Variants in COLQ observed in about 807,000 individuals in gnomAD.
The protein encoded by COLQ is acetylcholinesterase collagenic tail peptide.
COLQ carries 48 observed loss-of-function variants against 69.0 expected under a neutral mutation model. The observed-to-expected ratio is 0.70, with a 90% confidence interval of 0.55 to 0.88. The LOEUF (loss-of-function observed/expected upper bound fraction) is 0.88, where lower values mean the gene tolerates loss of function less well. Ranked by LOEUF, COLQ falls within the 40% of genes least tolerant of loss-of-function variation. COLQ has a pLI of 0.00. For synonymous variants in COLQ, 217 were observed against 211.2 expected (o/e 1.03, Z -0.24); for missense variants, 618 against 594.6 (o/e 1.04, Z -0.41).
intron 1 of COLQ, 41 bp downstream of exon 1, chr3:15,521,479 C>T: frequency 6.2e-7 from 1 of 1,612,708 alleles, no homozygotes; most frequent in Non-Finnish European, 8.5e-7. Flanking sequence ...CCCCCTGTCC[C>T]CTGACAGATG....
chr3:15,517,143 G>C (rs115368258), intron 1 of COLQ, among the ~76,000 whole-genome samples: 2 of 151,942 alleles, frequency 1.3e-5, no homozygotes, highest in African/African-American at 2.4e-5. Flanking sequence ...ACCCTGTCTC[G>C]AAAAAACAAA....
chr3:15,513,790 T>C, intron 1 of COLQ, among the ~76,000 whole-genome samples: 1 of 152,214 alleles, frequency 6.6e-6, no homozygotes, highest in Non-Finnish European at 1.5e-5. Flanking sequence ...GTGGAAAAAC[T>C]AGGTAACCTG....
At chr3:15,506,125 A>T (rs2125170627) in intron 1 of COLQ, among the ~76,000 whole-genome samples, 1 of 152,270 alleles carries the variant, frequency 6.6e-6, no homozygotes, top group East Asian at 1.9e-4. Flanking sequence ...ATCCCTTTGG[A>T]CTCAGTTGAG....
At chr3:15,481,007 C>T (rs912774823) in intron 3 of COLQ, among the ~76,000 whole-genome samples, 1 of 152,164 alleles carries the variant, frequency 6.6e-6, no homozygotes, top group African/African-American at 2.4e-5. Flanking sequence ...ATACACTTCA[C>T]CCACTTTTTG....
Position 15,458,202 on chromosome 3 carries a change from G to A in COLQ, c.938C>T (p.Ser313Phe). The A allele has an allele frequency of 1.9e-6, 3 of 1,613,892 alleles. No homozygotes were observed. The highest frequency in any genetic ancestry group is 2.5e-6 in the Non-Finnish European group (3 of 1,180,046). ...SYGESVYGPS[S>F]PRVPVIFVVN... ...AAGCCTTACCACAGGAACTCGCGGG[G>A]AACTGGGCCCATACACAGATTCCCC... Residue 313 changes from serine to phenylalanine, a missense_variant, in exon 13 of 17, where the codon TCC (serine) becomes TTC (phenylalanine). By Grantham distance (155) the Ser-to-Phe change is radical. Transcript: ENST00000383788.
At position 15,488,236 on chromosome 3, in the gene COLQ, C is replaced by T. The variant is rs115201284; in HGVS notation, c.291G>A (p.Ser97=). 8.2e-3 allele frequency: 13,178 copies of T among 1,613,076 alleles called. 83 individuals carry two copies. The highest frequency in any genetic ancestry group is 8.7e-3 in the Non-Finnish European group (10,311 of 1,179,978). The change falls in exon 3 of 17, where the codon TCG becomes TCA. Residue 97 remains serine (S), a synonymous_variant. Coordinates refer to ENST00000383788, the MANE Select transcript of COLQ (RefSeq NM_005677.4). ...GGCCGGGAGGCCCAGGGGAGCCTAG[C>T]GAGCCTTGCATGCACGGGGACTGCG... is the stretch of plus-strand genomic sequence containing the variant. ...ETSQSPCMQG[S]LGSPGPPGPQ...
At chr3:15,488,382 C>T in intron 2 of COLQ, 75 bp from the exon 3 acceptor site, 5 of 1,248,470 alleles carry the variant, frequency 4.0e-6, no homozygotes, top group East Asian at 2.4e-5. Flanking sequence ...TGGACACAGA[C>T]CTGCTCCGGG....
Position 15,478,326 on chromosome 3 carries a change from CA to C in COLQ, c.393+650del, listed in dbSNP as rs576283254. Among the ~76,000 whole-genome samples the C allele has an allele frequency of 4.4e-3, 675 of 152,312 alleles. 7 individuals are homozygous for C. The highest frequency in any genetic ancestry group is 0.015 in the African/African-American group (626 of 41,566). ...TGAAACCATTTAATAAACCATTTAACAATAAATATAGTAATTTATATTTAGA... is the reference window on the plus strand; with the variant it reads ...TGAAACCATTTAATAAACCATTTAACATAAATATAGTAATTTATATTTAGA... On this transcript the variant is annotated intron_variant, in intron 5 of 16. Transcript: ENST00000383788.
intron 13 of COLQ, 80 bp from the exon 14 acceptor site, chr3:15,456,659 T>G: frequency 6.3e-7 from 1 of 1,586,622 alleles, no homozygotes; most frequent in Non-Finnish European, 8.6e-7. Flanking sequence ...GGAAACAGAA[T>G]CTCTATCCTT....
At position 15,473,560 on chromosome 3, in the gene COLQ, A is replaced by C. The variant is rs1190787825; in HGVS notation, c.636+440T>G. 6.6e-6 allele frequency among the ~76,000 whole-genome samples: 1 copy of C among 152,280 alleles called. No individual in the cohort carries two copies. The highest frequency in any genetic ancestry group is 1.9e-4 in the East Asian group (1 of 5,188). ...TCTGGCAGTATGTGCACCGCCCTTG[A>C]AGAAGGACTGCAATAAGGCACAGTG... On this transcript the variant is annotated intron_variant, in intron 10 of 16. Coordinates refer to ENST00000383788, the MANE Select transcript of COLQ (RefSeq NM_005677.4). This position sits in a 1 kb window ranked among gnomAD's most constrained non-coding sequence, Gnocchi z 4.0.
At chr3:15,486,586 T>A (rs1235186236) in intron 3 of COLQ, among the ~76,000 whole-genome samples, 1 of 152,246 alleles carries the variant, frequency 6.6e-6, no homozygotes, top group African/African-American at 2.4e-5. Flanking sequence ...GGTTCTAGCA[T>A]GCCTGAGACC....
intron 1 of COLQ, among the ~76,000 whole-genome samples, chr3:15,521,295 G>T (rs969621633): frequency 2.0e-5 from 3 of 152,194 alleles, no homozygotes; most frequent in Admixed American, 2.0e-4. Context: ...TTTTCAAAGT[G>T]TCTCTGCTTT....
At chr3:15,507,462 C>T (rs2062926845) in intron 1 of COLQ, among the ~76,000 whole-genome samples, 1 of 152,138 alleles carries the variant, frequency 6.6e-6, no homozygotes, top group Non-Finnish European at 1.5e-5. Flanking sequence ...ATTTTGCCTA[C>T]TTGATAGGTG....
intron 5 of COLQ, 149 bp from the exon 6 acceptor site, chr3:15,477,346 C>G (rs1367974452): frequency 2.9e-6 from 2 of 679,654 alleles, no homozygotes; most frequent in African/African-American, 3.6e-5. Flanking sequence ...AGACTGATGG[C>G]CTGACAAGCC....
In COLQ at chr3:15,450,606, G is replaced by C. The variant is rs1169179774; in HGVS notation, c.*1038C>G. On this transcript the variant is annotated 3_prime_UTR_variant, in exon 17 of 17. Transcript: ENST00000383788. ...AGGGAGGAGCTCAGGCACACAGGAG[G>C]ACAAGGCTATGCAATATGCAGACAT... 2.6e-5 allele frequency: 4 copies of C among 153,716 alleles called. No homozygotes were observed. The highest frequency in any genetic ancestry group is 5.9e-5 in the Non-Finnish European group (4 of 68,132). The allele number at this position is 153,716 out of a possible 1,614,324, so 9.5% of individuals were successfully genotyped here.
At chr3:15,484,851 C>T (rs764665593) in intron 3 of COLQ, among the ~76,000 whole-genome samples, 45 of 151,614 alleles carry the variant, frequency 3.0e-4, no homozygotes, top group Admixed American at 1.2e-3. Context: ...TTCTTTAGCT[C>T]GGAGAAGTTT....
At chr3:15,458,801 T>C (rs2062063492) in intron 12 of COLQ, among the ~76,000 whole-genome samples, 1 of 152,194 alleles carries the variant, frequency 6.6e-6, no homozygotes, top group Admixed American at 6.5e-5. Flanking sequence ...TATTGACTGT[T>C]AACTTTTATT....
intron 5 of COLQ, 109 bp downstream of exon 5, chr3:15,478,868 G>A (rs2062426448): frequency 7.8e-7 from 1 of 1,275,964 alleles, no homozygotes; most frequent in Middle Eastern, 1.8e-4. Flanking sequence ...GTCCACCTGG[G>A]TATCAGTGAC....
chr3:15,486,565 T>C (rs1004076556), intron 3 of COLQ, among the ~76,000 whole-genome samples: 8 of 152,218 alleles, frequency 5.3e-5, no homozygotes, highest in African/African-American at 1.7e-4. Context: ...TTTTCTTTTC[T>C]ATATTCCATG....
Sources: allele counts gnomAD v4.1 joint callset (sites outside exome capture counted in the v4.1 genomes callset), GRCh38; gene constraint gnomAD v4.1.1; non-coding constraint Gnocchi (gnomAD v3.1); transcripts MANE v1.5; gene names NCBI Gene and HGNC (gene_info 2026-07-23, HGNC 2026-07-21).